RAD51B: variants seen among roughly 807,000 people sequenced by gnomAD.
RAD51B encodes the protein DNA repair protein RAD51 homolog 2.
RAD51B carries 38 observed loss-of-function variants against 42.2 expected under a neutral mutation model. The ratio of observed to expected loss-of-function variants is 0.90; its 90% CI spans 0.70 to 1.18. The LOEUF (loss-of-function observed/expected upper bound fraction) is 1.18, where lower values mean the gene tolerates loss of function less well. RAD51B is among the 50% of genes most tolerant of loss of function. The probability of loss-of-function intolerance (pLI) is 0.00; values close to 1 mark genes in which losing one functional copy is unlikely to be tolerated. For missense variants in RAD51B, 373 were observed against 400.7 expected (o/e 0.93, Z 0.59); for synonymous variants, 154 against 145.2 (o/e 1.06, Z -0.43).
intron 9 of RAD51B, among the ~76,000 whole-genome samples, chr14:68,454,670 C>T (rs1457008400): frequency 6.6e-6 from 1 of 152,206 alleles, no homozygotes; most frequent in Non-Finnish European, 1.5e-5. Flanking sequence ...CTAAAAAGCT[C>T]CATTCTCAGG....
intron 7 of RAD51B, among the ~76,000 whole-genome samples, chr14:67,967,767 GC>G (rs2074811970): frequency 6.6e-6 from 1 of 152,156 alleles, no homozygotes; most frequent in South Asian, 2.1e-4. Flanking sequence ...AGTGTCTGTG[GC>G]TTTTCAAGGT....
At chr14:67,857,001 T>A (rs1194561363) in intron 4 of RAD51B, among the ~76,000 whole-genome samples, 1 of 152,208 alleles carries the variant, frequency 6.6e-6, no homozygotes, top group East Asian at 1.9e-4. Flanking sequence ...CTATTCTGGT[T>A]TGGCATGTTT....
chr14:68,372,623 A>G (rs531702350), intron 8 of RAD51B, among the ~76,000 whole-genome samples: 76 of 152,326 alleles, frequency 5.0e-4, no homozygotes, highest in African/African-American at 1.7e-3. Context: ...AGAAACAGAA[A>G]AGAGGGTCAT....
At chr14:68,301,583 T>C (rs535589347) in intron 8 of RAD51B, among the ~76,000 whole-genome samples, 1 of 139,386 alleles carries the variant, frequency 7.2e-6, no homozygotes, top group Non-Finnish European at 1.5e-5. Flanking sequence ...GTTTTTTTTT[T>C]GTTTGTGTGT....
chr14:68,575,930 T>C (rs1212601935), intron 10 of RAD51B, among the ~76,000 whole-genome samples: 2 of 152,184 alleles, frequency 1.3e-5, no homozygotes, highest in Non-Finnish European at 2.9e-5. Flanking sequence ...AACTTATAGA[T>C]GGACGGGCAG....
intron 10 of RAD51B, among the ~76,000 whole-genome samples, chr14:68,517,171 G>A (rs1400589171): frequency 6.6e-6 from 1 of 151,168 alleles, no homozygotes; most frequent in Non-Finnish European, 1.5e-5. Flanking sequence ...GGATGCACCA[G>A]AAATGCTTGA....
chr14:68,658,169 A>T (rs1892856324), intron 11 of RAD51B, among the ~76,000 whole-genome samples: 1 of 152,186 alleles, frequency 6.6e-6, no homozygotes, highest in South Asian at 2.1e-4. Flanking sequence ...GGCAGGTGAG[A>T]TGGGGTGGGG....
At chr14:68,167,855 A>G (rs557175564) in intron 7 of RAD51B, among the ~76,000 whole-genome samples, 7 of 152,242 alleles carry the variant, frequency 4.6e-5, no homozygotes, top group Non-Finnish European at 7.4e-5. Context: ...CCTCCCATAA[A>G]CATTATCTTA....
chr14:68,276,270 T>C (rs867386732), intron 7 of RAD51B, among the ~76,000 whole-genome samples: 9 of 152,120 alleles, frequency 5.9e-5, no homozygotes, highest in Non-Finnish European at 1.0e-4. Flanking sequence ...AATTGGGCCC[T>C]TCCTTCAAGG....
chr14:67,865,563 G>C (rs1398794588), intron 5 of RAD51B, among the ~76,000 whole-genome samples: 1 of 120,944 alleles, frequency 8.3e-6, no homozygotes, highest in South Asian at 2.7e-4. Context: ...TTTTGAGATG[G>C]AGTCTCTCTC....
chr14:68,610,460 T>C (rs1415949463), intron 10 of RAD51B, among the ~76,000 whole-genome samples: 2 of 152,156 alleles, frequency 1.3e-5, no homozygotes, highest in African/African-American at 2.4e-5. Context: ...CAGAAACCCA[T>C]ATGAGCTCCA....
At chr14:68,605,515 C>A (rs1267828628) in intron 10 of RAD51B, among the ~76,000 whole-genome samples, 1 of 152,232 alleles carries the variant, frequency 6.6e-6, no homozygotes, top group African/African-American at 2.4e-5. Flanking sequence ...AACAGTTTAA[C>A]AAGAAGGGAA....
At chr14:68,382,585 C>T (rs894165303) in intron 8 of RAD51B, among the ~76,000 whole-genome samples, 1 of 152,162 alleles carries the variant, frequency 6.6e-6, no homozygotes, top group African/African-American at 2.4e-5. Flanking sequence ...AAGACAGAAC[C>T]TCCCCACAAA....
chr14:68,338,860 T>C, intron 8 of RAD51B: 1 of 621,386 alleles, frequency 1.6e-6, no homozygotes, highest in Admixed American at 1.9e-5. Context: ...TAGTTGGTCC[T>C]GATAGCTTCC....
In RAD51B at chr14:68,474,712, C is replaced by A. The variant is rs1882412408; in HGVS notation, c.1037-2936C>A. Among the ~76,000 whole-genome samples the A allele has an allele frequency of 2.0e-5, 3 of 152,210 alleles. No individual in the cohort carries two copies. The South Asian group carries it at 6.2e-4, about 32-fold the overall frequency. ...CTTACCTCTCAGGCTTCATGAGCCT[C>A]TGTTGAGATACTTCAGGCCTGTCCT... On this transcript the variant is annotated intron_variant, in intron 10 of 10. Coordinates refer to ENST00000471583, the MANE Select transcript of RAD51B (RefSeq NM_133510.4).
chr14:67,916,379 C>G (rs1327386815), intron 7 of RAD51B, among the ~76,000 whole-genome samples: 2 of 151,902 alleles, frequency 1.3e-5, no homozygotes, highest in Non-Finnish European at 2.9e-5. Context: ...GTACCTGGGA[C>G]TACAGGTGCA....
chr14:68,077,974 A>C lies in RAD51B; in HGVS notation c.756+190770A>C, dbSNP rs199715346. Among the ~76,000 whole-genome samples the C allele has an allele frequency of 2.2e-4, 33 of 152,220 alleles. No homozygotes were observed. In the East Asian group the frequency reaches 6.4e-3, roughly 29 times the overall value. On this transcript the variant is annotated intron_variant, in intron 7 of 10. Coordinates refer to ENST00000471583, the MANE Select transcript of RAD51B (RefSeq NM_133510.4). Reference sequence around the variant, plus strand: ...ATCTCAAAAATATAAAAAATAAAAAATGTGTGCTTGTTCTTATATGTACAT... The same window carrying C: ...ATCTCAAAAATATAAAAAATAAAAACTGTGTGCTTGTTCTTATATGTACAT...
intron 11 of RAD51B, among the ~76,000 whole-genome samples, chr14:68,677,210 T>C (rs112568295): frequency 1.3e-4 from 20 of 152,272 alleles, no homozygotes; most frequent in African/African-American, 4.8e-4. Context: ...AATGGGGACT[T>C]CTTGAGCCTA....
chr14:68,545,932 C>T (rs866600418), intron 10 of RAD51B, among the ~76,000 whole-genome samples: 8 of 152,168 alleles, frequency 5.3e-5, no homozygotes, highest in African/African-American at 1.4e-4. Flanking sequence ...GCACAGATAC[C>T]TGCCCCACCC....
Sources: gnomAD v4.1 joint callset for allele counts (sites outside exome capture counted in the v4.1 genomes callset) on GRCh38, gnomAD v4.1.1 for gene constraint, MANE v1.5 for transcripts, NCBI Gene and HGNC (gene_info 2026-07-23, HGNC 2026-07-21) for gene names.